PCDH7: variants seen among roughly 807,000 people sequenced by gnomAD.
The protein encoded by PCDH7 is protocadherin-7.
PCDH7 carries 17 observed loss-of-function variants against 58.9 expected under a neutral mutation model. That is an observed-to-expected ratio of 0.29 (90% CI 0.20 to 0.43). The LOEUF is 0.43. Among genes scored for constraint, PCDH7 ranks in the 20% least tolerant of loss-of-function variants. PCDH7 has a pLI of 1.00. For synonymous variants in PCDH7, 664 were observed against 616.4 expected (o/e 1.08, Z -1.14); for missense variants, 1,274 against 1,441.0 (o/e 0.88, Z 1.88).
chr4:30,731,361 G>GTGTGTATA (rs1553874736), exon 2 of PCDH7: 40 of 149,928 alleles, frequency 2.7e-4, no homozygotes, highest in African/African-American at 9.8e-4. Flanking sequence ...GTGTGTGTGT[G>GTGTGTATA]TATATATATA....
At chr4:30,920,209 G>C (rs1173717358) in exon 2 of PCDH7, 1 of 1,367,624 alleles carries the variant, frequency 7.3e-7, no homozygotes, top group East Asian at 4.6e-5. Flanking sequence ...CACATCAGGG[G>C]TCACTGCAGA....
intron 3 of PCDH7, among the ~76,000 whole-genome samples, chr4:31,076,312 A>T (rs191899303): frequency 6.6e-6 from 1 of 152,370 alleles, no homozygotes; most frequent in Admixed American, 6.5e-5. Flanking sequence ...CTTTATCAAA[A>T]GAGATTATTT....
chr4:30,838,124 G>T (rs1335034872), intron 1 of PCDH7, among the ~76,000 whole-genome samples: 1 of 151,824 alleles, frequency 6.6e-6, no homozygotes, highest in Non-Finnish European at 1.5e-5. Flanking sequence ...TTTTCCATTG[G>T]CAAGTGAGTC....
chr4:30,792,239 CTACTTTTTGAAAGAAA>C (rs1363888017), intron 1 of PCDH7, among the ~76,000 whole-genome samples: 1 of 152,098 alleles, frequency 6.6e-6, no homozygotes, highest in African/African-American at 2.4e-5. Flanking sequence ...TTGTTTGAAA[CTACTTTTTGAAAGAAA>C]TATATTAATT....
At chr4:30,840,905 G>T (rs1214359345) in intron 1 of PCDH7, among the ~76,000 whole-genome samples, 18 of 148,604 alleles carry the variant, frequency 1.2e-4, no homozygotes, top group African/African-American at 4.0e-4. Flanking sequence ...TTTTTTTTCT[G>T]CAAAACCAAG....
At chr4:30,816,022 G>T (rs1481269296) in intron 1 of PCDH7, among the ~76,000 whole-genome samples, 1 of 152,034 alleles carries the variant, frequency 6.6e-6, no homozygotes, top group African/African-American at 2.4e-5. Context: ...ATTAATAAAT[G>T]GACCTCTAAA....
chr4:30,842,443 T>C (rs1731338435), intron 1 of PCDH7, among the ~76,000 whole-genome samples: 2 of 152,182 alleles, frequency 1.3e-5, no homozygotes, highest in African/African-American at 4.8e-5. Flanking sequence ...CTCATGGAAC[T>C]GGATTAGTAT....
chr4:30,779,003 GT>G (rs386399674), intron 1 of PCDH7, among the ~76,000 whole-genome samples: 124 of 73,006 alleles, frequency 1.7e-3, no homozygotes, highest in East Asian at 4.3e-3. Context: ...TCCTTACTCC[GT>G]TTTTTTTTTT....
chr4:30,986,459 G>A (rs187990899), intron 3 of PCDH7, among the ~76,000 whole-genome samples: 16 of 151,960 alleles, frequency 1.1e-4, no homozygotes, highest in African/African-American at 3.9e-4. Flanking sequence ...TTCTACATAA[G>A]CATAAAATGA....
At chr4:31,030,810 T>A (rs1346587789) in intron 3 of PCDH7, among the ~76,000 whole-genome samples, 1 of 152,182 alleles carries the variant, frequency 6.6e-6, no homozygotes, top group African/African-American at 2.4e-5. Context: ...ACATTAATCA[T>A]GTTTTGCTTT....
intron 1 of PCDH7, among the ~76,000 whole-genome samples, chr4:30,742,642 C>T (rs1222432361): frequency 6.6e-6 from 1 of 152,100 alleles, no homozygotes; most frequent in Non-Finnish European, 1.5e-5. Context: ...ATTATTATAT[C>T]ATGCATATTT....
intron 1 of PCDH7, among the ~76,000 whole-genome samples, chr4:30,811,908 T>G (rs1310926310): frequency 6.6e-6 from 1 of 152,000 alleles, no homozygotes; most frequent in Non-Finnish European, 1.5e-5. Context: ...ATAGGAGGGT[T>G]TTTTAGCCAG....
intron 3 of PCDH7, among the ~76,000 whole-genome samples, chr4:31,048,021 C>A (rs1756428369): frequency 2.0e-5 from 3 of 151,896 alleles, no homozygotes; most frequent in African/African-American, 7.2e-5. Context: ...TTATACTCCT[C>A]AAAACTTTAA....
chr4:30,751,653 T>G (rs932186376), intron 1 of PCDH7, among the ~76,000 whole-genome samples: 1 of 152,172 alleles, frequency 6.6e-6, no homozygotes, highest in African/African-American at 2.4e-5. Context: ...CTGAAAAGTT[T>G]ATTAATCTTT....
chr4:30,822,417 C>T (rs970086179), intron 1 of PCDH7, among the ~76,000 whole-genome samples: 4 of 152,058 alleles, frequency 2.6e-5, no homozygotes, highest in Admixed American at 1.3e-4. Flanking sequence ...ACAGCGACAG[C>T]CTGGCACAGA....
intron 3 of PCDH7, among the ~76,000 whole-genome samples, chr4:31,138,716 T>C (rs1719905150): frequency 6.6e-6 from 1 of 151,976 alleles, no homozygotes; most frequent in Non-Finnish European, 1.5e-5. Flanking sequence ...ACTGTTACTT[T>C]CTCCCAGCAC....
intron 3 of PCDH7, among the ~76,000 whole-genome samples, chr4:31,095,546 A>G (rs771175406): frequency 6.6e-6 from 1 of 152,178 alleles, no homozygotes; most frequent in African/African-American, 2.4e-5. Flanking sequence ...ACAGAGCAGT[A>G]TAAAAAATTC....
intron 1 of PCDH7, among the ~76,000 whole-genome samples, chr4:30,891,590 T>C (rs1244693948): frequency 1.3e-5 from 2 of 152,054 alleles, no homozygotes; most frequent in African/African-American, 4.8e-5. Flanking sequence ...AATGAACTTA[T>C]CAGTGTGTCT....
At chr4:30,931,489 C>A (rs1397353444) in intron 2 of PCDH7, among the ~76,000 whole-genome samples, 2 of 151,956 alleles carry the variant, frequency 1.3e-5, no homozygotes, top group Non-Finnish European at 1.5e-5. Context: ...ACAGGAGAAT[C>A]GCTTGAACCC....
Sources: allele counts gnomAD v4.1 joint callset (sites outside exome capture counted in the v4.1 genomes callset), GRCh38; gene constraint gnomAD v4.1.1; transcripts MANE v1.5; gene names NCBI Gene and HGNC (gene_info 2026-07-23, HGNC 2026-07-21).